Variants in QRSL1 observed in about 807,000 individuals in gnomAD.
QRSL1 encodes glutamyl-tRNA(Gln) amidotransferase subunit A, mitochondrial.
In QRSL1, 54 loss-of-function variants were observed where a neutral mutation model predicts 61.6. The observed-to-expected ratio is 0.88, with a 90% confidence interval of 0.70 to 1.10. The LOEUF (loss-of-function observed/expected upper bound fraction) is 1.10, where lower values mean the gene tolerates loss of function less well. QRSL1 is among the 50% of genes least tolerant of loss of function. QRSL1 has a pLI of 0.00. For synonymous variants in QRSL1, 228 were observed against 225.7 expected, an observed-to-expected ratio of 1.01 and a Z score of -0.09; for missense variants, 505 against 622.6, an observed-to-expected ratio of 0.81 and a Z score of 2.01.
chr6:106,668,317 A>G lies in QRSL1; in HGVS notation c.*2315A>G, dbSNP rs1265433801. 2.6e-5 allele frequency: 4 copies of G among 151,958 alleles called. No homozygotes were observed. In the East Asian group the frequency reaches 7.7e-4, roughly 29 times the overall value. The allele number at this position is 151,958 out of a possible 1,614,324, so 9.4% of individuals were successfully genotyped here. A position where few individuals can be genotyped will look rare whatever the true frequency, so the allele number is the denominator to read the frequency against. On this transcript the variant is annotated 3_prime_UTR_variant, in exon 11 of 11. Coordinates refer to ENST00000369046, the MANE Select transcript of QRSL1 (RefSeq NM_018292.5). ...TCTTTTCTCTTCATTTTTACTCTTA[A>G]TCTAGTAGGTCTCATTTTGCCAAGT...
intron 1 of QRSL1, among the ~76,000 whole-genome samples, chr6:106,634,727 G>A (rs181282228): frequency 6.4e-4 from 97 of 151,844 alleles, no homozygotes; most frequent in African/African-American, 2.2e-3. Flanking sequence ...GATCACATCC[G>A]TGCACTCCAG....
rs1196751425 is a variant in QRSL1 at position 106,666,966 on chromosome 6, T to C, written c.*964T>C. 2 of 152,196 alleles carry C rather than the reference T, an allele frequency of 1.3e-5. No homozygotes were observed. Among genetic ancestry groups the C allele is most frequent in the African/African-American group, 4.8e-5 (2 of 41,454 alleles). The allele number at this position is 152,196 out of a possible 1,614,324, so 9.4% of individuals were successfully genotyped here. A position where few individuals can be genotyped will look rare whatever the true frequency, so the allele number is the denominator to read the frequency against. On this transcript the variant is annotated 3_prime_UTR_variant, in exon 11 of 11. Transcript: ENST00000369046. ...TTTCCTTTCCTCCTTAGAGTTACAA[T>C]TTTACTTCTGCTATTCCGGAGCCCA... is the stretch of plus-strand genomic sequence containing the variant.
chr6:106,640,714 C>A, intron 2 of QRSL1, 109 bp from the exon 3 acceptor site: 1 of 1,109,818 alleles, frequency 9.0e-7, no homozygotes, highest in East Asian at 2.4e-5. Flanking sequence ...AATTTGTTTT[C>A]TGAAGAAGTA....
At chr6:106,641,835 T>C (rs1303684031) in intron 3 of QRSL1, among the ~76,000 whole-genome samples, 1 of 152,222 alleles carries the variant, frequency 6.6e-6, no homozygotes, top group African/African-American at 2.4e-5. Context: ...ACTGGGTACA[T>C]CTCTGACTAT....
chr6:106,647,399 G>A (rs1777125225), intron 4 of QRSL1, among the ~76,000 whole-genome samples: 2 of 151,550 alleles, frequency 1.3e-5, no homozygotes, highest in South Asian at 2.1e-4. Context: ...CAGCACTTTG[G>A]GAGGCCAAGG....
intron 7 of QRSL1, chr6:106,652,961 A>G (rs1293836687): frequency 8.4e-6 from 4 of 473,810 alleles, no homozygotes; most frequent in African/African-American, 5.9e-5. Context: ...TCTCTGTTCC[A>G]ATAAAACTTT....
intron 1 of QRSL1, among the ~76,000 whole-genome samples, chr6:106,633,368 T>C (rs139739481): frequency 1.3e-5 from 2 of 152,302 alleles, no homozygotes; most frequent in East Asian, 3.9e-4. Context: ...CCTGGGAAGG[T>C]TGAACAATTT....
At chr6:106,639,278 A>G (rs1206395030) in intron 1 of QRSL1, among the ~76,000 whole-genome samples, 1 of 151,534 alleles carries the variant, frequency 6.6e-6, no homozygotes, top group Non-Finnish European at 1.5e-5. Context: ...GGCACGTGCC[A>G]CCACACCTGG....
At chr6:106,663,702 A>G (rs556923191) in intron 10 of QRSL1, among the ~76,000 whole-genome samples, 2 of 152,334 alleles carry the variant, frequency 1.3e-5, no homozygotes, top group East Asian at 3.9e-4. Flanking sequence ...ATTGGGGATT[A>G]CAATTCAACA....
At chr6:106,634,084 T>A (rs1236104716) in intron 1 of QRSL1, among the ~76,000 whole-genome samples, 1 of 152,054 alleles carries the variant, frequency 6.6e-6, no homozygotes, top group Non-Finnish European at 1.5e-5. Flanking sequence ...ATTTCTCTGA[T>A]TGAGTGAATA....
At chr6:106,644,886 C>G (rs1438665070) in intron 4 of QRSL1, among the ~76,000 whole-genome samples, 5 of 152,172 alleles carry the variant, frequency 3.3e-5, no homozygotes, top group African/African-American at 4.8e-5. Flanking sequence ...TTAGCTCTTA[C>G]ATTTAGATCT....
intron 4 of QRSL1, among the ~76,000 whole-genome samples, chr6:106,645,955 G>A (rs556419185): frequency 6.6e-6 from 1 of 152,332 alleles, no homozygotes; most frequent in East Asian, 1.9e-4. Flanking sequence ...CTGCACCAGT[G>A]AGGGCCTTAG....
At position 106,632,296 on chromosome 6, in the gene QRSL1, T is replaced by C. The variant is rs1313292070; in HGVS notation, c.24+2591T>C. Among the ~76,000 whole-genome samples, 4 of 152,244 alleles carry C rather than the reference T, an allele frequency of 2.6e-5. 1 individual carries two copies. The highest frequency in any genetic ancestry group is 2.6e-4 in the Admixed American group (4 of 15,288). On this transcript the variant is annotated intron_variant, in intron 1 of 10. Transcript: ENST00000369046. ...TGAGAGAGCAGATATGTCTTTGCTA[T>C]GTTGATTTTCTTTCTTTTAGGTGCA...
At chr6:106,651,722 T>C (rs1289586698) in intron 5 of QRSL1, among the ~76,000 whole-genome samples, 1 of 152,166 alleles carries the variant, frequency 6.6e-6, no homozygotes, top group East Asian at 1.9e-4. Flanking sequence ...GCGTATTTAG[T>C]CTGTAAAAGC....
At chr6:106,664,490 A>T (rs1421633210) in intron 10 of QRSL1, among the ~76,000 whole-genome samples, 1 of 152,058 alleles carries the variant, frequency 6.6e-6, no homozygotes, top group Non-Finnish European at 1.5e-5. Flanking sequence ...TTTCCTTTTG[A>T]GAATGTGTTG....
chr6:106,661,506 G>T (rs1216197765), intron 9 of QRSL1, among the ~76,000 whole-genome samples: 1 of 152,022 alleles, frequency 6.6e-6, no homozygotes, highest in African/African-American at 2.4e-5. Context: ...TGCCTGCATT[G>T]GTCTCTCTGT....
chr6:106,639,128 T>TG lies in QRSL1; in HGVS notation c.25-1221_25-1220insG, dbSNP rs1776973101. Among the ~76,000 whole-genome samples the TG allele has an allele frequency of 5.0e-5, 7 of 139,978 alleles. No homozygotes were observed. The South Asian group carries it at 9.4e-4, about 19-fold the overall frequency. The allele number at this position is 139,978 out of a possible 152,430, so 91.8% of individuals were successfully genotyped here. ...ATTTGTGTGTTTTGTTGTTTTTTTTTTTTTTTTTTTTTTTTTTTGACAGAG... is the reference window on the plus strand; with the variant it reads ...ATTTGTGTGTTTTGTTGTTTTTTTTTGTTTTTTTTTTTTTTTTTTGACAGAG... On this transcript the variant is annotated intron_variant, in intron 1 of 10. Transcript: ENST00000369046.
At chr6:106,647,874 T>C (rs1177363198) in intron 4 of QRSL1, among the ~76,000 whole-genome samples, 2 of 150,326 alleles carry the variant, frequency 1.3e-5, no homozygotes, top group Non-Finnish European at 3.0e-5. Context: ...ATGGTCTCGA[T>C]CTCCTGACCT....
chr6:106,655,774 T>G, intron 9 of QRSL1, 42 bp downstream of exon 9: 1 of 1,174,150 alleles, frequency 8.5e-7, no homozygotes, highest in East Asian at 2.4e-5. Flanking sequence ...TCTTGAAACC[T>G]CAAGTAACAT....
Sources: allele counts gnomAD v4.1 joint callset (sites outside exome capture counted in the v4.1 genomes callset), GRCh38; gene constraint gnomAD v4.1.1; transcripts MANE v1.5; gene names NCBI Gene and HGNC (gene_info 2026-07-23, HGNC 2026-07-21).